Variants in CAPZA1 observed in about 807,000 individuals in gnomAD.
CAPZA1 encodes capping actin protein of muscle Z-line subunit alpha 1.
In CAPZA1, 10 loss-of-function variants were observed where a neutral mutation model predicts 40.8. That is an observed-to-expected ratio of 0.25 (90% CI 0.15 to 0.42). The LOEUF (loss-of-function observed/expected upper bound fraction) is 0.42. Ranked by LOEUF, CAPZA1 falls within the 10% of genes least tolerant of loss-of-function variation. The pLI, the probability that CAPZA1 is intolerant of heterozygous loss-of-function variation, is 1.00. For synonymous variants in CAPZA1, 98 were observed against 115.0 expected (o/e 0.85, Z 0.95); for missense variants, 277 against 353.8 (o/e 0.78, Z 1.74).
chr1:112,639,667 G>C (rs1471773871), intron 1 of CAPZA1, among the ~76,000 whole-genome samples: 10 of 151,968 alleles, frequency 6.6e-5, no homozygotes, highest in Admixed American at 6.5e-4. Context: ...TCACTCAGTA[G>C]CTTTTATCTT....
At chr1:112,657,595 CT>C (rs556166060) in intron 5 of CAPZA1, among the ~76,000 whole-genome samples, 234 of 143,838 alleles carry the variant, frequency 1.6e-3, no homozygotes, top group Admixed American at 1.8e-3. Context: ...ACCCCTAATT[CT>C]TTTTTTTTTT....
At chr1:112,626,957 G>C (rs1670819567) in intron 1 of CAPZA1, among the ~76,000 whole-genome samples, 1 of 152,224 alleles carries the variant, frequency 6.6e-6, no homozygotes, top group African/African-American at 2.4e-5. Flanking sequence ...ACTTTGCTTT[G>C]TGGATTCTTT....
Position 112,649,420 on chromosome 1 carries a change from G to T in CAPZA1, c.106G>T (p.Val36Phe), listed in dbSNP as rs753793163. 1 of 1,611,556 alleles carries T rather than the reference G, an allele frequency of 6.2e-7. No homozygotes were observed. Among genetic ancestry groups the T allele is most frequent in the Non-Finnish European group, 8.5e-7 (1 of 1,178,308 alleles). The change falls in exon 3 of 10, where the codon GTT becomes TTT. Residue 36 changes from valine to phenylalanine, a missense_variant and splice_region_variant. Val to Phe is a conservative substitution (Grantham distance 50, BLOSUM62 -1). This residue lies in a region of CAPZA1 where 85 missense variants were observed against 76.5 expected (regional missense o/e 1.11). Coordinates refer to ENST00000263168, the MANE Select transcript of CAPZA1 (RefSeq NM_006135.3). ...ATTGTAACATTTTTCCTCCTCAGAC[G>T]TTCGGCTACTACTTAATAATGACAA... ...PGEFNEVFND[V>F]RLLLNNDNLL...
At chr1:112,664,369 A>G (rs1231023650) in intron 7 of CAPZA1, among the ~76,000 whole-genome samples, 2 of 152,132 alleles carry the variant, frequency 1.3e-5, no homozygotes, top group African/African-American at 2.4e-5. Flanking sequence ...ATGCCCTTCT[A>G]ATGATATCCA....
intron 1 of CAPZA1, among the ~76,000 whole-genome samples, chr1:112,643,715 T>A (rs549227668): frequency 6.6e-6 from 1 of 152,330 alleles, no homozygotes; most frequent in East Asian, 1.9e-4. Flanking sequence ...GCTCCATCAA[T>A]CACTAGGCCT....
intron 1 of CAPZA1, among the ~76,000 whole-genome samples, chr1:112,637,057 A>C (rs1382777139): frequency 6.6e-6 from 1 of 152,240 alleles, no homozygotes; most frequent in East Asian, 1.9e-4. Flanking sequence ...ACTAAAGGTA[A>C]TCCTCCAGAC....
chr1:112,655,842 C>T (rs1016215297), intron 5 of CAPZA1, among the ~76,000 whole-genome samples: 1 of 152,116 alleles, frequency 6.6e-6, no homozygotes, highest in African/African-American at 2.4e-5. Context: ...GGATTACAGG[C>T]GTGAGCTGCT....
chr1:112,654,804 AAAT>A, intron 5 of CAPZA1, 133 bp downstream of exon 5: 3 of 544,300 alleles, frequency 5.5e-6, no homozygotes, highest in Non-Finnish European at 9.5e-6. Context: ...TTTATTCCCT[AAAT>A]CATTTTGGAA....
chr1:112,657,404 C>T (rs1458946430), intron 5 of CAPZA1, among the ~76,000 whole-genome samples: 1 of 152,136 alleles, frequency 6.6e-6, no homozygotes, highest in African/African-American at 2.4e-5. Context: ...CTATCTACTT[C>T]TGAACCCTTT....
chr1:112,651,591 A>C (rs1222529972), intron 3 of CAPZA1, among the ~76,000 whole-genome samples: 1 of 152,134 alleles, frequency 6.6e-6, no homozygotes, highest in Non-Finnish European at 1.5e-5. Context: ...GGTAAAATGG[A>C]GATGCTGTTT....
At chr1:112,653,533 C>T in intron 3 of CAPZA1, 65 bp from the exon 4 acceptor site, 1 of 1,048,180 alleles carries the variant, frequency 9.5e-7, no homozygotes, top group Non-Finnish European at 1.4e-6. Flanking sequence ...TGTTTATTTA[C>T]ACATAATTCT....
chr1:112,631,844 A>G (rs969397537), intron 1 of CAPZA1, among the ~76,000 whole-genome samples: 1 of 152,000 alleles, frequency 6.6e-6, no homozygotes, highest in South Asian at 2.1e-4. Context: ...CTCCTAAACA[A>G]GTTGCTTATG....
chr1:112,625,712 C>G (rs1260959737), intron 1 of CAPZA1, among the ~76,000 whole-genome samples: 1 of 152,194 alleles, frequency 6.6e-6, no homozygotes, highest in Non-Finnish European at 1.5e-5. Flanking sequence ...TTCAGCTTCC[C>G]ACCCCCATAA....
intron 1 of CAPZA1, among the ~76,000 whole-genome samples, chr1:112,623,390 C>G (rs886490426): frequency 6.6e-6 from 1 of 152,110 alleles, no homozygotes; most frequent in Non-Finnish European, 1.5e-5. Flanking sequence ...GTTAAGACAT[C>G]CTAGGACAGG....
At chr1:112,638,945 T>TATAGAG (rs1273447861) in intron 1 of CAPZA1, among the ~76,000 whole-genome samples, 4 of 149,100 alleles carry the variant, frequency 2.7e-5, no homozygotes, top group African/African-American at 9.8e-5. Context: ...TAGGTATAGA[T>TATAGAG]ATAGAGATAG....
Position 112,653,601 on chromosome 1 carries a change from A to C in CAPZA1, c.159A>C (p.Ala53=). 2.6e-6 allele frequency: 4 copies of C among 1,541,660 alleles called. No individual in the cohort carries two copies. Among genetic ancestry groups the C allele is most frequent in the Non-Finnish European group, 3.5e-6 (4 of 1,145,160 alleles). Reference sequence around the variant, plus strand: ...AAAAACTTTTAAAAAAAAACAGTGCATTTGCCCAGTATAACATGGATCAGT... The same window carrying C: ...AAAAACTTTTAAAAAAAAACAGTGCCTTTGCCCAGTATAACATGGATCAGT... ...DNLLREGAAH[A]FAQYNMDQFT... Residue 53 remains alanine, a synonymous_variant, in exon 4 of 10, where the codon GCA becomes GCC. Coordinates refer to ENST00000263168, the MANE Select transcript of CAPZA1 (RefSeq NM_006135.3).
intron 1 of CAPZA1, among the ~76,000 whole-genome samples, chr1:112,636,518 T>C (rs1042495957): frequency 1.3e-5 from 2 of 152,238 alleles, no homozygotes; most frequent in Admixed American, 6.5e-5. Context: ...ATAGTCTCCC[T>C]TTAAAATATT....
chr1:112,642,998 C>T (rs1257827051), intron 1 of CAPZA1, among the ~76,000 whole-genome samples: 2 of 151,776 alleles, frequency 1.3e-5, no homozygotes, highest in South Asian at 2.1e-4. Context: ...CACACTTGAC[C>T]GAGGAGTTTT....
At chr1:112,653,917 T>TA in intron 4 of CAPZA1, among the ~76,000 whole-genome samples, 1 of 152,214 alleles carries the variant, frequency 6.6e-6, no homozygotes. Flanking sequence ...CCAGCTGTCT[T>TA]TAATTCTCCT....
Sources: allele counts gnomAD v4.1 joint callset (sites outside exome capture counted in the v4.1 genomes callset), GRCh38; gene constraint gnomAD v4.1.1; regional missense constraint gnomAD v4.1.1; transcripts MANE v1.5; gene names NCBI Gene and HGNC (gene_info 2026-07-23, HGNC 2026-07-21).